The following ERGIC3 variants were observed in gnomAD, a reference collection of about 807,000 sequenced individuals.
ERGIC3 encodes ERGIC and golgi 3.
ERGIC3 carries 33 observed loss-of-function variants against 54.7 expected under a neutral mutation model. That is an observed-to-expected ratio of 0.60 (90% CI 0.46 to 0.81). The LOEUF is 0.81. ERGIC3 is among the 30% of genes least tolerant of loss of function. The pLI is 0.00. For synonymous variants in ERGIC3, 186 were observed against 189.8 expected, an observed-to-expected ratio of 0.98 and a Z score of 0.16; for missense variants, 399 against 488.4, an observed-to-expected ratio of 0.82 and a Z score of 1.73.
chr20:35,556,318 A>G (rs1568873441), intron 10 of ERGIC3, 47 bp downstream of exon 10: 1 of 1,597,704 alleles, frequency 6.3e-7, no homozygotes, highest in Admixed American at 1.7e-5. Flanking sequence ...GGTGCCAAGC[A>G]CTGGAGTTCC....
intron 4 of ERGIC3, chr20:35,543,693 T>G (rs2064629972): frequency 2.1e-6 from 1 of 470,968 alleles, no homozygotes; most frequent in Non-Finnish European, 4.4e-6. Context: ...ACCAACATAA[T>G]TTGCTATAGG....
chr20:35,543,093 A>C (rs972674876), intron 4 of ERGIC3, 152 bp downstream of exon 4: 1 of 1,078,782 alleles, frequency 9.3e-7, no homozygotes, highest in African/African-American at 1.6e-5. Flanking sequence ...CCAGCTAGTA[A>C]GAGTCAGAGT....
intron 8 of ERGIC3, 109 bp downstream of exon 8, chr20:35,555,184 T>C (rs1356980245): frequency 3.2e-6 from 4 of 1,267,228 alleles, no homozygotes; most frequent in Non-Finnish European, 4.6e-6. Flanking sequence ...TATGGAAAAA[T>C]ACACCACGTT....
chr20:35,549,028 G>T, intron 7 of ERGIC3, 163 bp downstream of exon 7: 1 of 774,362 alleles, frequency 1.3e-6, no homozygotes, highest in East Asian at 2.7e-5. Flanking sequence ...AAGAGCACAG[G>T]CCGAGGAGCC....
intron 10 of ERGIC3, 137 bp downstream of exon 10, chr20:35,556,408 G>A (rs763052008): frequency 1.0e-6 from 1 of 954,564 alleles, no homozygotes; most frequent in South Asian, 1.4e-5. Context: ...CACAGAGAGG[G>A]TGGGGGATTT....
intron 4 of ERGIC3, chr20:35,544,658 G>A (rs898868982): frequency 5.1e-6 from 1 of 195,324 alleles, no homozygotes; most frequent in Admixed American, 5.8e-5. Context: ...AGGCGCCCGC[G>A]GCGGCAGCTG....
At position 35,556,997 on chromosome 20, in the gene ERGIC3, G is replaced by A. The variant is rs1404491846; in HGVS notation, c.904G>A (p.Val302Met). The change falls in exon 11 of 13, where the codon GTG becomes ATG. Residue 302 changes from valine to methionine, a missense_variant. Coordinates refer to ENST00000348547, the MANE Select transcript of ERGIC3 (RefSeq NM_015966.3). Reference sequence around the variant, plus strand: ...GGTACTGAGGACAAATCAGTTCTCTGTGACCAGACATGAGAAGGTTGCCAA... The same window carrying A: ...GGTACTGAGGACAAATCAGTTCTCTATGACCAGACATGAGAAGGTTGCCAA... ...GEVLRTNQFS[V>M]TRHEKVANGL... The A allele has an allele frequency of 5.6e-6, 9 of 1,614,118 alleles. No homozygotes were observed. In the Admixed American group the frequency reaches 1.5e-4, roughly 27 times the overall value.
chr20:35,557,366 C>T, intron 12 of ERGIC3, 59 bp from the exon 13 acceptor site: 2 of 1,608,600 alleles, frequency 1.2e-6, no homozygotes, highest in Non-Finnish European at 1.7e-6. Context: ...TGACAAGGCT[C>T]TCAGCGTCAA....
intron 3 of ERGIC3, 65 bp from the exon 4 acceptor site, chr20:35,542,757 C>T (rs1479000996): frequency 1.9e-6 from 3 of 1,613,420 alleles, no homozygotes; most frequent in East Asian, 4.5e-5. Context: ...TCCCCTTCCC[C>T]TCCAAAACCC....
intron 8 of ERGIC3, among the ~76,000 whole-genome samples, chr20:35,555,308 A>C (rs1301369681): frequency 4.6e-5 from 7 of 152,142 alleles, no homozygotes; most frequent in African/African-American, 1.2e-4. Context: ...ACAGAGCCTC[A>C]GCGCAAGGTC....
chr20:35,550,121 CAG>C (rs1260887309), intron 7 of ERGIC3, among the ~76,000 whole-genome samples: 1 of 151,666 alleles, frequency 6.6e-6, no homozygotes, highest in East Asian at 1.9e-4. Context: ...ATATGGAGGT[CAG>C]GGAAAAACTC....
At position 35,557,407 on chromosome 20, in the gene ERGIC3, C is replaced by G. The variant is rs199581067; in HGVS notation, c.1073-18C>G. On this transcript the variant is annotated intron_variant, in intron 12 of 12. Transcript: ENST00000348547. ...AAGGCCCCCACTGGGCCAGTGCCAG[C>G]CCTTGTCTCTCTCCCAGTGGCTGGA... 5.6e-6 allele frequency: 9 copies of G among 1,613,490 alleles called. No individual in the cohort carries two copies. The East Asian group carries it at 2.0e-4, about 36-fold the overall frequency.
At chr20:35,554,810 G>A (rs958792983) in intron 7 of ERGIC3, 21 of 616,274 alleles carry the variant, frequency 3.4e-5, no homozygotes, top group Non-Finnish European at 4.9e-5. Flanking sequence ...CCCTGTGGAC[G>A]TCAGGGAGGA....
At position 35,556,133 on chromosome 20, in the gene ERGIC3, C is replaced by A; in HGVS notation, c.814+4C>A. 1 of 1,614,196 alleles carries A rather than the reference C, an allele frequency of 6.2e-7. No homozygotes were observed. Among genetic ancestry groups the A allele is most frequent in the Non-Finnish European group, 8.5e-7 (1 of 1,180,034 alleles). On this transcript the variant is annotated splice_donor_region_variant and intron_variant, in intron 9 of 12. Transcript: ENST00000348547. Reference sequence around the variant, plus strand: ...ACCAATGTCACTGCGCCCCAAGGTACCAGCCCGGGAGGCAGCCCCCAGCCG... The same window carrying A: ...ACCAATGTCACTGCGCCCCAAGGTAACAGCCCGGGAGGCAGCCCCCAGCCG...
intron 4 of ERGIC3, chr20:35,544,526 C>T: frequency 3.6e-6 from 1 of 275,448 alleles, no homozygotes; most frequent in Admixed American, 3.9e-5. Flanking sequence ...CCACTCTTTT[C>T]TTGATGAACT....
chr20:35,546,962 C>T (rs137953657), intron 4 of ERGIC3, among the ~76,000 whole-genome samples: 2 of 152,160 alleles, frequency 1.3e-5, no homozygotes, highest in African/African-American at 2.4e-5. Flanking sequence ...GGCAAGGAGC[C>T]GGTGCAGAGG....
rs1601359389 is a variant in ERGIC3, at chr20:35,544,032, ATC to A, written c.367+1093_367+1094del. 3 of 215,478 alleles carry A rather than the reference ATC, an allele frequency of 1.4e-5. No homozygotes were observed. The Admixed American group carries it at 1.6e-4, about 11-fold the overall frequency. The allele number at this position is 215,478 out of a possible 1,614,324, so 13.3% of individuals were successfully genotyped here. On this transcript the variant is annotated intron_variant, in intron 4 of 12. Transcript: ENST00000348547. The stretch of plus-strand genomic sequence containing the variant: ...GAATCTACTATCTATCTATCTATCT[ATC>A]TATCTATCTATCTATCTATCTATCT...
At chr20:35,546,628 G>A (rs2064650349) in intron 4 of ERGIC3, among the ~76,000 whole-genome samples, 1 of 152,212 alleles carries the variant, frequency 6.6e-6, no homozygotes, top group Non-Finnish European at 1.5e-5. Flanking sequence ...GGAACAGGGA[G>A]TTGTGGTTAT....
At chr20:35,549,220 T>G (rs373757214) in intron 7 of ERGIC3, 4 of 476,588 alleles carry the variant, frequency 8.4e-6, no homozygotes, top group African/African-American at 8.0e-5. Context: ...AGGTACTTGT[T>G]GAAATGGTAG....
Sources: allele counts gnomAD v4.1 joint callset (sites outside exome capture counted in the v4.1 genomes callset), GRCh38; gene constraint gnomAD v4.1.1; transcripts MANE v1.5; gene names NCBI Gene and HGNC (gene_info 2026-07-23, HGNC 2026-07-21).